Variants in C11orf65 observed in about 807,000 individuals in gnomAD.
C11orf65 encodes chromosome 11 open reading frame 65, also known as protein MFI.
A neutral mutation model predicts 35.3 loss-of-function variants in C11orf65; 38 were observed. The observed-to-expected ratio is 1.08, with a 90% confidence interval of 0.83 to 1.41. C11orf65 has a LOEUF of 1.41. C11orf65 is among the 40% of genes most tolerant of loss of function. The probability of loss-of-function intolerance (pLI) is 0.00; values close to 1 mark genes in which losing one functional copy is unlikely to be tolerated. For synonymous variants in C11orf65, 105 were observed against 114.4 expected, an observed-to-expected ratio of 0.92 and a Z score of 0.53; for missense variants, 370 against 367.1, an observed-to-expected ratio of 1.01 and a Z score of -0.06.
chr11:108,465,654 T>C (rs548150193), intron 1 of C11orf65, among the ~76,000 whole-genome samples: 20 of 150,912 alleles, frequency 1.3e-4, no homozygotes, highest in Non-Finnish European at 2.8e-4. Flanking sequence ...AAAAATGGGG[T>C]GTAGCTAGAG....
chr11:108,387,122 G>A (rs2092024775), intron 7 of C11orf65, among the ~76,000 whole-genome samples: 1 of 142,980 alleles, frequency 7.0e-6, no homozygotes, highest in Non-Finnish European at 1.5e-5. Flanking sequence ...AGAAAACACT[G>A]TGATTTTCTT....
At chr11:108,430,486 C>T (rs898872515) in intron 3 of C11orf65, among the ~76,000 whole-genome samples, 14 of 151,428 alleles carry the variant, frequency 9.2e-5, no homozygotes, top group Non-Finnish European at 1.8e-4. Context: ...TTATATTATG[C>T]GTACTTTACC....
At chr11:108,333,156 C>T (rs2086464429) in intron 3 of C11orf65, among the ~76,000 whole-genome samples, 2 of 152,210 alleles carry the variant, frequency 1.3e-5, no homozygotes, top group East Asian at 1.9e-4. Flanking sequence ...ATACTTATTA[C>T]AGAGAATTGC....
chr11:108,383,897 G>A (rs920516635), intron 8 of C11orf65, among the ~76,000 whole-genome samples: 3 of 137,914 alleles, frequency 2.2e-5, no homozygotes, highest in African/African-American at 5.5e-5. Flanking sequence ...TTGAGACAGG[G>A]TCTTACTCTG....
downstream of C11orf65, among the ~76,000 whole-genome samples, chr11:108,330,689 G>T (rs1419100201): frequency 6.6e-6 from 1 of 152,164 alleles, no homozygotes; most frequent in African/African-American, 2.4e-5. Flanking sequence ...ATAGAATTTA[G>T]CTTGGTCCTA....
chr11:108,376,629 C>G (rs1383879400), intron 2 of C11orf65, among the ~76,000 whole-genome samples: 1 of 151,832 alleles, frequency 6.6e-6, no homozygotes, highest in Non-Finnish European at 1.5e-5. Flanking sequence ...TAACTAAAAT[C>G]AGAGCAGAAC....
intron 2 of C11orf65, among the ~76,000 whole-genome samples, chr11:108,440,195 CTT>C (rs1417259416): frequency 1.3e-5 from 2 of 152,190 alleles, no homozygotes; most frequent in Non-Finnish European, 2.9e-5. Flanking sequence ...AATATTGTAA[CTT>C]TGCCCTTTCT....
intron 6 of C11orf65, chr11:108,310,423 T>C: frequency 9.5e-7 from 1 of 1,054,220 alleles, no homozygotes; most frequent in Non-Finnish European, 1.3e-6. Context: ...TAAAAGATAT[T>C]TTAGATAGAA....
intron 2 of C11orf65, among the ~76,000 whole-genome samples, chr11:108,364,338 T>C (rs2091110611): frequency 6.6e-6 from 1 of 152,208 alleles, no homozygotes; most frequent in Admixed American, 6.5e-5. Context: ...GTTCTGTGTT[T>C]ATAAATACCA....
chr11:108,397,166 C>T (rs899121221), intron 6 of C11orf65, among the ~76,000 whole-genome samples: 3 of 150,378 alleles, frequency 2.0e-5, no homozygotes, highest in African/African-American at 7.3e-5. Flanking sequence ...ACTAAAAATA[C>T]AAAAATTAGC....
intron 6 of C11orf65, among the ~76,000 whole-genome samples, chr11:108,395,370 G>A (rs1393908553): frequency 6.6e-6 from 1 of 151,326 alleles, no homozygotes; most frequent in Non-Finnish European, 1.5e-5. Context: ...TGTCTCCCAG[G>A]CTGGAGTGCA....
chr11:108,344,593 A>G (rs1369010996), intron 2 of C11orf65, among the ~76,000 whole-genome samples: 2 of 152,156 alleles, frequency 1.3e-5, no homozygotes, highest in Non-Finnish European at 2.9e-5. Flanking sequence ...TTGAGAATGC[A>G]AACTGGAGGC....
chr11:108,432,675 C>T (rs759597844), intron 2 of C11orf65, among the ~76,000 whole-genome samples: 9 of 152,222 alleles, frequency 5.9e-5, no homozygotes, highest in Non-Finnish European at 1.2e-4. Flanking sequence ...TTTAAGTAAC[C>T]CATAGTACCA....
At chr11:108,322,945 A>G (rs1252534049) in intron 6 of C11orf65, among the ~76,000 whole-genome samples, 1 of 151,846 alleles carries the variant, frequency 6.6e-6, no homozygotes, top group African/African-American at 2.4e-5. Context: ...ATGACAAAGT[A>G]AAGTGTTTTG....
At chr11:108,372,174 T>TATTC (rs57080338) in intron 2 of C11orf65, among the ~76,000 whole-genome samples, 24,150 of 151,332 alleles carry the variant, frequency 0.16, 2,026 homozygotes, top group Non-Finnish European at 0.17. Context: ...CACTAAATTT[T>TATTC]ATTCATTCAT....
At chr11:108,325,399 A>G in intron 6 of C11orf65, 1 of 1,613,852 alleles carries the variant, frequency 6.2e-7, no homozygotes, top group Non-Finnish European at 8.5e-7. Context: ...AGTTTTCAGG[A>G]GCCTATCATG....
chr11:108,442,389 G>A (rs1393074667), intron 2 of C11orf65, among the ~76,000 whole-genome samples: 1 of 152,134 alleles, frequency 6.6e-6, no homozygotes, highest in African/African-American at 2.4e-5. Flanking sequence ...GAATCAAGTT[G>A]GAAAACACTC....
intron 6 of C11orf65, among the ~76,000 whole-genome samples, chr11:108,314,403 G>A (rs2084432930): frequency 6.6e-6 from 1 of 152,022 alleles, no homozygotes; most frequent in African/African-American, 2.4e-5. Context: ...ACTGCACCCA[G>A]CCCATGTACA....
rs750614487 is a variant in C11orf65 at position 108,320,005 on chromosome 11, A to G, written c.641-10934T>C. Reference sequence around the variant, plus strand: ...ATGAATCATTGTACAATGCTCTACAATCTCTAAGAGACAGAGAATTCTCTA... The same window carrying G: ...ATGAATCATTGTACAATGCTCTACAGTCTCTAAGAGACAGAGAATTCTCTA... On this transcript the variant is annotated intron_variant, in intron 6 of 6. Coordinates refer to the C11orf65 transcript ENST00000525729. 2 of 1,612,798 alleles carry G rather than the reference A, an allele frequency of 1.2e-6. No individual in the cohort carries two copies. Among genetic ancestry groups the G allele is most frequent in the Non-Finnish European group, 1.7e-6 (2 of 1,178,938 alleles).
Sources: gnomAD v4.1 joint callset for allele counts (sites outside exome capture counted in the v4.1 genomes callset) on GRCh38, gnomAD v4.1.1 for gene constraint, MANE v1.5 for transcripts, NCBI Gene and HGNC (gene_info 2026-07-23, HGNC 2026-07-21) for gene names.